MARCHF1: variants seen among roughly 807,000 people sequenced by gnomAD.
MARCHF1 encodes the protein membrane associated ring-CH-type finger 1.
In MARCHF1, 40 loss-of-function variants were observed where a neutral mutation model predicts 54.2. That is an observed-to-expected ratio of 0.74 (90% CI 0.57 to 0.96). The LOEUF (loss-of-function observed/expected upper bound fraction) is 0.96. MARCHF1 is among the 40% of genes least tolerant of loss of function. The pLI, the probability that MARCHF1 is intolerant of heterozygous loss-of-function variation, is 0.00. For synonymous variants in MARCHF1, 236 were observed against 236.3 expected (o/e 1.00, Z 0.01); for missense variants, 586 against 656.5 (o/e 0.89, Z 1.17).
chr4:164,255,542 A>G lies in MARCHF1; in HGVS notation c.-323+128328T>C, dbSNP rs189022685. On this transcript the variant is annotated intron_variant, in intron 1 of 9. Transcript: ENST00000514618. Reference sequence around the variant, plus strand: ...AAGATGGAGAATATCAGAGATAACAAGATCCAGCTTATGCTTTACAACAGA... The same window carrying G: ...AAGATGGAGAATATCAGAGATAACAGGATCCAGCTTATGCTTTACAACAGA... Among the ~76,000 whole-genome samples the G allele has an allele frequency of 1.5e-3, 222 of 152,228 alleles. 1 individual carries two copies. Among genetic ancestry groups the G allele is most frequent in the Admixed American group, 4.2e-3 (64 of 15,280 alleles).
chr4:164,092,826 T>G (rs1755333036), intron 2 of MARCHF1, among the ~76,000 whole-genome samples: 1 of 133,418 alleles, frequency 7.5e-6, no homozygotes, highest in Non-Finnish European at 1.7e-5. Flanking sequence ...GAAATTGATT[T>G]CTTGATCTAC....
intron 2 of MARCHF1, among the ~76,000 whole-genome samples, chr4:164,024,291 C>T (rs979724962): frequency 6.6e-6 from 1 of 152,080 alleles, no homozygotes; most frequent in African/African-American, 2.4e-5. Context: ...TTATCAGATT[C>T]TCCAAGGTCA....
intron 5 of MARCHF1, among the ~76,000 whole-genome samples, chr4:163,691,226 T>C (rs1424923943): frequency 2.0e-5 from 3 of 152,134 alleles, no homozygotes; most frequent in Non-Finnish European, 4.4e-5. Context: ...TCCCAGTAAA[T>C]GTCATGATCA....
At chr4:163,721,690 A>C (rs1398628966) in intron 4 of MARCHF1, among the ~76,000 whole-genome samples, 1 of 152,142 alleles carries the variant, frequency 6.6e-6, no homozygotes, top group Non-Finnish European at 1.5e-5. Flanking sequence ...GCTATTAATT[A>C]TTGCCTCAAT....
intron 1 of MARCHF1, among the ~76,000 whole-genome samples, chr4:164,371,391 G>A (rs1731034050): frequency 6.6e-6 from 1 of 152,104 alleles, no homozygotes; most frequent in Non-Finnish European, 1.5e-5. Flanking sequence ...GGAAAAGAAT[G>A]ATAAAACTGA....
chr4:163,590,057 G>GGTGTGTGTGTGTGTGTGTGTGTGTGTGT (rs34885496), intron 7 of MARCHF1, among the ~76,000 whole-genome samples: 12 of 146,168 alleles, frequency 8.2e-5, no homozygotes, highest in African/African-American at 2.8e-4. Flanking sequence ...TTTAGATTTT[G>GGTGTGTGTGTGTGTGTGTGTGTGTGTGT]GTGTGTGTGT....
At chr4:164,176,958 CTCTCT>C (rs1730683502) in intron 1 of MARCHF1, among the ~76,000 whole-genome samples, 3 of 40,400 alleles carry the variant, frequency 7.4e-5, no homozygotes, top group African/African-American at 2.4e-4. Flanking sequence ...CTCTCTCTCT[CTCTCT>C]CTCTCTCTCT....
chr4:163,839,479 A>G (rs930960454), intron 4 of MARCHF1, among the ~76,000 whole-genome samples: 1 of 152,154 alleles, frequency 6.6e-6, no homozygotes, highest in African/African-American at 2.4e-5. Context: ...CAACTGCTGG[A>G]CAAATAATAA....
At chr4:164,048,436 T>C (rs537365974) in intron 2 of MARCHF1, among the ~76,000 whole-genome samples, 1 of 152,234 alleles carries the variant, frequency 6.6e-6, no homozygotes, top group East Asian at 1.9e-4. Flanking sequence ...ATCATCAAAA[T>C]TGTCTATTTT....
chr4:164,251,190 C>T (rs1401361274), intron 1 of MARCHF1, among the ~76,000 whole-genome samples: 1 of 152,138 alleles, frequency 6.6e-6, no homozygotes, highest in Non-Finnish European at 1.5e-5. Flanking sequence ...ATTTCCCTAA[C>T]AAAACCTCTT....
In MARCHF1 at chr4:163,598,021, G is replaced by A. The variant is rs138567126; in HGVS notation, c.1011-12092C>T. Among the ~76,000 whole-genome samples the A allele has an allele frequency of 2.0e-5, 3 of 152,246 alleles. No homozygotes were observed. In the East Asian group the frequency reaches 5.8e-4, roughly 29 times the overall value. On this transcript the variant is annotated intron_variant, in intron 7 of 9. Transcript: ENST00000514618. ...TACACCAATATTCTAGGAATATATT[G>A]TATTATCTGAATTTTAAGTACATAA...
chr4:163,808,593 G>T (rs937379221), intron 4 of MARCHF1, among the ~76,000 whole-genome samples: 1 of 152,144 alleles, frequency 6.6e-6, no homozygotes, highest in African/African-American at 2.4e-5. Context: ...TTTTGAGACA[G>T]AGTCTCCCTT....
chr4:164,142,578 GCCA>G (rs1308356559), intron 1 of MARCHF1, among the ~76,000 whole-genome samples: 2 of 152,094 alleles, frequency 1.3e-5, no homozygotes, highest in African/African-American at 4.8e-5. Context: ...ACCTCACACA[GCCA>G]GGTACTCCAA....
chr4:163,529,377 A>T (rs148545506), intron 9 of MARCHF1, among the ~76,000 whole-genome samples: 2 of 152,070 alleles, frequency 1.3e-5, no homozygotes, highest in Non-Finnish European at 2.9e-5. Flanking sequence ...TTTATCCCTT[A>T]TAGCTAGACT....
At chr4:163,564,269 G>A (rs1173819224) in intron 8 of MARCHF1, among the ~76,000 whole-genome samples, 4 of 152,232 alleles carry the variant, frequency 2.6e-5, no homozygotes, top group South Asian at 4.2e-4. Context: ...ACTGACTGAC[G>A]TTTGAATGCC....
At chr4:163,862,602 G>A (rs140890473) in intron 3 of MARCHF1, among the ~76,000 whole-genome samples, 37 of 152,136 alleles carry the variant, frequency 2.4e-4, no homozygotes, top group African/African-American at 7.7e-4. Context: ...TCCATTGCTC[G>A]TGGGAATACA....
In MARCHF1 at chr4:164,011,503, G is replaced by A. The variant is rs1753420137; in HGVS notation, c.-247-22794C>T. ...AAAAGAAACATATACATGGCCAATAGGTATATTTAAAAAAGCTCAACATCA... is the reference window on the plus strand; with the variant it reads ...AAAAGAAACATATACATGGCCAATAAGTATATTTAAAAAAGCTCAACATCA... On this transcript the variant is annotated intron_variant, in intron 2 of 9. Coordinates refer to ENST00000514618, the MANE Select transcript of MARCHF1 (RefSeq NM_001394959.1). 3.3e-5 allele frequency among the ~76,000 whole-genome samples: 5 copies of A among 152,094 alleles called. No homozygotes were observed. The South Asian group carries it at 1.0e-3, about 32-fold the overall frequency.
At chr4:164,131,841 C>T (rs760439919) in intron 1 of MARCHF1, among the ~76,000 whole-genome samples, 3 of 152,032 alleles carry the variant, frequency 2.0e-5, no homozygotes, top group Non-Finnish European at 4.4e-5. Context: ...TACATGAAGT[C>T]TGTGTATTGA....
Position 163,819,313 on chromosome 4 carries a change from C to T in MARCHF1, c.111+34708G>A, listed in dbSNP as rs190067629. ...CATGGGCTTTAACTTTAATAACATA[C>T]TTTGTGATGTCCCTTCTTCTGTTTT... On this transcript the variant is annotated intron_variant, in intron 4 of 9. Transcript: ENST00000514618. Among the ~76,000 whole-genome samples, 355 of 152,214 alleles carry T rather than the reference C, an allele frequency of 2.3e-3. 2 individuals carry two copies. Among genetic ancestry groups the T allele is most frequent in the African/African-American group, 8.0e-3 (333 of 41,556 alleles).
Sources: allele counts gnomAD v4.1 joint callset (sites outside exome capture counted in the v4.1 genomes callset), GRCh38; gene constraint gnomAD v4.1.1; transcripts MANE v1.5; gene names NCBI Gene and HGNC (gene_info 2026-07-23, HGNC 2026-07-21).